PLAAT5: variants seen among roughly 807,000 people sequenced by gnomAD.
The protein encoded by PLAAT5 is Ca(2+)-independent N-acyltransferase.
In PLAAT5, 27 loss-of-function variants were observed where a neutral mutation model predicts 27.8. The observed-to-expected ratio is 0.97, with a 90% CI of 0.72 to 1.34. PLAAT5 has a LOEUF of 1.34. PLAAT5 is among the 40% of genes most tolerant of loss of function. The probability of loss-of-function intolerance (pLI) is 0.00; values close to 1 mark genes in which losing one functional copy is unlikely to be tolerated. For synonymous variants in PLAAT5, 125 were observed against 136.1 expected (o/e 0.92, Z 0.57); for missense variants, 368 against 343.8 (o/e 1.07, Z -0.56).
chr11:63,478,327 T>G lies in PLAAT5; in HGVS notation c.346-9862A>C, dbSNP rs868471374. Among the ~76,000 whole-genome samples, 167 of 145,768 alleles carry G rather than the reference T, an allele frequency of 1.1e-3. 2 individuals are homozygous for G. The highest frequency in any genetic ancestry group is 4.3e-3 in the South Asian group (20 of 4,610). ...CTTTCTGAGAACCAATAGACTTTCT[T>G]TTTTTTTTTTTTAGACGGAGTCTTG... On this transcript the variant is annotated intron_variant, in intron 3 of 5. Coordinates refer to ENST00000540857, the MANE Select transcript of PLAAT5 (RefSeq NM_001146729.2).
At chr11:63,477,344 C>T (rs560181539) in intron 3 of PLAAT5, among the ~76,000 whole-genome samples, 8 of 152,228 alleles carry the variant, frequency 5.3e-5, no homozygotes, top group African/African-American at 1.4e-4. Context: ...CCAACCAGGG[C>T]GGACGGTTGT....
intron 3 of PLAAT5, among the ~76,000 whole-genome samples, chr11:63,468,856 G>A (rs998104949): frequency 1.3e-5 from 2 of 152,176 alleles, no homozygotes; most frequent in Admixed American, 6.5e-5. Context: ...TTCTCCTGCA[G>A]TTTCTGGCTG....
intron 3 of PLAAT5, among the ~76,000 whole-genome samples, chr11:63,476,897 C>G (rs1236626289): frequency 6.6e-6 from 1 of 152,036 alleles, no homozygotes; most frequent in African/African-American, 2.4e-5. Flanking sequence ...ACTCTTCATA[C>G]TAGGTAGTTG....
intron 3 of PLAAT5, among the ~76,000 whole-genome samples, chr11:63,474,310 T>C (rs1258883877): frequency 7.2e-5 from 11 of 152,208 alleles, no homozygotes. Flanking sequence ...GTAGAATTCT[T>C]GAGCAAAGCC....
At chr11:63,464,864 T>C (rs2015814738) in intron 5 of PLAAT5, among the ~76,000 whole-genome samples, 1 of 152,076 alleles carries the variant, frequency 6.6e-6, no homozygotes. Context: ...AGGCAGGTAA[T>C]GTGAGTGAGG....
At chr11:63,472,718 T>G (rs2016057904) in intron 3 of PLAAT5, among the ~76,000 whole-genome samples, 1 of 152,162 alleles carries the variant, frequency 6.6e-6, no homozygotes, top group Non-Finnish European at 1.5e-5. Flanking sequence ...TTAATTTCAT[T>G]TTCAGGTAGT....
At chr11:63,490,063 G>C (rs2016523818) in intron 2 of PLAAT5, among the ~76,000 whole-genome samples, 180 bp downstream of exon 2, 1 of 152,210 alleles carries the variant, frequency 6.6e-6, no homozygotes, top group South Asian at 2.1e-4. Flanking sequence ...GTGGCCAGCA[G>C]GTCCCAAGCC....
At chr11:63,466,919 T>C (rs1156658844) in intron 4 of PLAAT5, among the ~76,000 whole-genome samples, 2 of 152,140 alleles carry the variant, frequency 1.3e-5, no homozygotes, top group African/African-American at 4.8e-5. Flanking sequence ...AATACGGGGA[T>C]TCTCATTAAG....
At chr11:63,465,070 G>A (rs946946842) in intron 5 of PLAAT5, among the ~76,000 whole-genome samples, 3 of 152,128 alleles carry the variant, frequency 2.0e-5, no homozygotes, top group Non-Finnish European at 4.4e-5. Context: ...CTGAGGTCAG[G>A]CATTCAAGAC....
intron 3 of PLAAT5, among the ~76,000 whole-genome samples, chr11:63,478,697 A>G (rs568819371): frequency 9.8e-5 from 15 of 152,306 alleles, no homozygotes; most frequent in African/African-American, 3.6e-4. Flanking sequence ...GTCTTTGGCA[A>G]TTTTGTCTGG....
At chr11:63,475,827 T>A (rs2016140465) in intron 3 of PLAAT5, among the ~76,000 whole-genome samples, 1 of 152,116 alleles carries the variant, frequency 6.6e-6, no homozygotes, top group African/African-American at 2.4e-5. Flanking sequence ...CTTGACTTAT[T>A]GCTATCTACT....
chr11:63,486,545 G>A (rs182201050), intron 3 of PLAAT5, among the ~76,000 whole-genome samples: 1 of 152,232 alleles, frequency 6.6e-6, no homozygotes, highest in East Asian at 1.9e-4. Context: ...TATTCTAAGT[G>A]AAGTAACTCA....
At chr11:63,481,520 G>A (rs748753036) in intron 3 of PLAAT5, among the ~76,000 whole-genome samples, 16 of 152,208 alleles carry the variant, frequency 1.1e-4, no homozygotes, top group African/African-American at 1.9e-4. Context: ...AAAGCTCCCC[G>A]TACATCTGCA....
chr11:63,479,485 G>A (rs1416998361), intron 3 of PLAAT5, among the ~76,000 whole-genome samples: 1 of 152,204 alleles, frequency 6.6e-6, no homozygotes, highest in Non-Finnish European at 1.5e-5. Context: ...TGCAGATGCA[G>A]GTAAACAGTT....
At chr11:63,465,049 G>C (rs529953214) in intron 5 of PLAAT5, among the ~76,000 whole-genome samples, 1 of 152,114 alleles carries the variant, frequency 6.6e-6, no homozygotes, top group South Asian at 2.1e-4. Flanking sequence ...AGGCCGAGGC[G>C]GGTGGATCAC....
chr11:63,484,581 C>A (rs1225524119), intron 3 of PLAAT5, among the ~76,000 whole-genome samples: 2 of 152,026 alleles, frequency 1.3e-5, no homozygotes, highest in African/African-American at 4.8e-5. Flanking sequence ...TAGCATTTGA[C>A]AAGATCCAGC....
At chr11:63,483,821 A>ATG (rs1161176795) in intron 3 of PLAAT5, among the ~76,000 whole-genome samples, 3 of 112,480 alleles carry the variant, frequency 2.7e-5, no homozygotes, top group East Asian at 5.1e-4. Flanking sequence ...ATATATATAT[A>ATG]TATATATATA....
At chr11:63,482,834 C>T (rs912918565) in intron 3 of PLAAT5, among the ~76,000 whole-genome samples, 4 of 152,124 alleles carry the variant, frequency 2.6e-5, no homozygotes, top group African/African-American at 9.7e-5. Flanking sequence ...GGATTAAAAT[C>T]CACCAACCAA....
At chr11:63,468,237 A>G in intron 4 of PLAAT5, 120 bp downstream of exon 4, 1 of 761,328 alleles carries the variant, frequency 1.3e-6, no homozygotes, top group Non-Finnish European at 2.2e-6. Flanking sequence ...AGGTCCAGTC[A>G]TGCTTCAAGG....
Sources: allele counts gnomAD v4.1 joint callset (sites outside exome capture counted in the v4.1 genomes callset), GRCh38; gene constraint gnomAD v4.1.1; transcripts MANE v1.5; gene names NCBI Gene and HGNC (gene_info 2026-07-23, HGNC 2026-07-21).